Variants in ANAPC1 observed in about 807,000 individuals in gnomAD.
The protein encoded by ANAPC1 is anaphase promoting complex subunit 1, also known as anaphase-promoting complex subunit 1.
ANAPC1 carries 36 observed loss-of-function variants against 208.0 expected under a neutral mutation model. The ratio of observed to expected loss-of-function variants is 0.17; its 90% CI spans 0.13 to 0.23. The LOEUF is 0.23. Ranked by LOEUF, ANAPC1 falls within the 10% of genes least tolerant of loss-of-function variation. The pLI is 1.00. For synonymous variants in ANAPC1, 378 were observed against 695.2 expected, an observed-to-expected ratio of 0.54 and a Z score of 7.18; for missense variants, 942 against 2,011.6, an observed-to-expected ratio of 0.47 and a Z score of 10.17.
At chr2:111,799,008 T>C (rs897095546) in intron 34 of ANAPC1, among the ~76,000 whole-genome samples, 3 of 149,184 alleles carry the variant, frequency 2.0e-5, no homozygotes, top group African/African-American at 7.4e-5. Flanking sequence ...CACTCCAGCC[T>C]GGGCGACAGA....
In ANAPC1 at chr2:111,834,760, A is replaced by T; in HGVS notation, c.2228T>A (p.Phe743Tyr). The T allele has an allele frequency of 6.2e-7, 1 of 1,613,572 alleles. No homozygotes were observed. Among genetic ancestry groups the T allele is most frequent in the South Asian group, 1.1e-5 (1 of 91,032 alleles). The change falls in exon 19 of 48, where the codon TTT (phenylalanine) becomes TAT (tyrosine). Residue 743 changes from phenylalanine (F) to tyrosine (Y), a missense_variant. Phe to Tyr is a conservative substitution (Grantham distance 22). Coordinates refer to ENST00000341068, the MANE Select transcript of ANAPC1 (RefSeq NM_022662.4). The stretch of plus-strand genomic sequence containing the variant: ...AGAATCCAGACTGAGATTCTGTGAA[A>T]AATCCTCATCCTTCATCTGTGAAGC... ...SEASQMKDED[F>Y]SQNLSLDSST... is the part of the protein sequence containing the mutation.
At chr2:111,850,408 T>TGGATGTTATCTTCCCATC (rs1338574690) in intron 14 of ANAPC1, among the ~76,000 whole-genome samples, 1 of 152,238 alleles carries the variant, frequency 6.6e-6, no homozygotes, top group Non-Finnish European at 1.5e-5. Context: ...GTCCTCCCAT[T>TGGATGTTATCTTCCCATC]GGATGTTATC....
intron 46 of ANAPC1, among the ~76,000 whole-genome samples, chr2:111,775,766 G>C (rs1264977257): frequency 1.3e-5 from 2 of 151,936 alleles, no homozygotes; most frequent in Admixed American, 6.6e-5. Context: ...CAATAGCAAA[G>C]GTCTGCCATA....
At chr2:111,824,149 T>C (rs192000902) in intron 24 of ANAPC1, among the ~76,000 whole-genome samples, 3,258 of 148,804 alleles carry the variant, frequency 0.022, 107 homozygotes, top group African/African-American at 0.075. Context: ...TTATGCAATA[T>C]ACAAATGGAT....
intron 25 of ANAPC1, chr2:111,821,841 AAC>A (rs1379690060): frequency 7.6e-6 from 2 of 263,306 alleles, no homozygotes; most frequent in Non-Finnish European, 1.5e-5. Context: ...TGAAAAAAAA[AAC>A]AGACTTGATG....
chr2:111,867,491 T>A (rs1682494955), intron 7 of ANAPC1, among the ~76,000 whole-genome samples: 1 of 151,694 alleles, frequency 6.6e-6, no homozygotes, highest in Non-Finnish European at 1.5e-5. Flanking sequence ...AGGAGTTCGA[T>A]ACCAGCCTGG....
At chr2:111,806,893 A>G (rs1243658169) in intron 29 of ANAPC1, among the ~76,000 whole-genome samples, 3 of 139,322 alleles carry the variant, frequency 2.2e-5, no homozygotes, top group Non-Finnish European at 4.7e-5. Context: ...AAAAAAATGC[A>G]ATTTAAAAAA....
At chr2:111,866,869 G>A (rs1682453345) in intron 7 of ANAPC1, among the ~76,000 whole-genome samples, 1 of 150,476 alleles carries the variant, frequency 6.6e-6, no homozygotes, top group Middle Eastern at 3.5e-3. Flanking sequence ...CGGGTTGTCT[G>A]CAATTAGTAA....
At chr2:111,771,480 C>T (rs1676735164) in intron 47 of ANAPC1, among the ~76,000 whole-genome samples, 1 of 151,158 alleles carries the variant, frequency 6.6e-6, no homozygotes, top group African/African-American at 2.4e-5. Context: ...TGCAGCATTG[C>T]TGCTTTTTGC....
At position 111,858,407 on chromosome 2, in the gene ANAPC1, A is replaced by G. The variant is rs749296070; in HGVS notation, c.1263-6T>C. The G allele has an allele frequency of 6.2e-7, 1 of 1,602,086 alleles. No homozygotes were observed. Among genetic ancestry groups the G allele is most frequent in the South Asian group, 1.1e-5 (1 of 90,624 alleles). ...AGGCTTGTGAATTTTTCTCTCTATAATAGATACATTAATAAAGTAACTGTC... is the reference window on the plus strand; with the variant it reads ...AGGCTTGTGAATTTTTCTCTCTATAGTAGATACATTAATAAAGTAACTGTC... On this transcript the variant is annotated splice_polypyrimidine_tract_variant and splice_region_variant and intron_variant, in intron 10 of 47. Transcript: ENST00000341068.
chr2:111,848,352 T>C (rs1228377393), intron 14 of ANAPC1, among the ~76,000 whole-genome samples: 1 of 149,532 alleles, frequency 6.7e-6, no homozygotes, highest in African/African-American at 2.4e-5. Flanking sequence ...GCCTTGCTTT[T>C]TCTGCTCTGG....
intron 25 of ANAPC1, among the ~76,000 whole-genome samples, chr2:111,822,180 G>GA (rs1679572456): frequency 7.0e-6 from 1 of 142,144 alleles, no homozygotes; most frequent in East Asian, 2.0e-4. Flanking sequence ...GACTTGTCCT[G>GA]ATTCAAGGCA....
At chr2:111,816,349 T>C (rs1267713627) in intron 27 of ANAPC1, among the ~76,000 whole-genome samples, 6 of 150,978 alleles carry the variant, frequency 4.0e-5, no homozygotes, top group African/African-American at 7.3e-5. Context: ...CTCTCTTTTT[T>C]TCTCTCTCTC....
At chr2:111,769,732 A>G (rs1245847010) in intron 47 of ANAPC1, among the ~76,000 whole-genome samples, 1 of 124,540 alleles carries the variant, frequency 8.0e-6, no homozygotes, top group Non-Finnish European at 1.6e-5. Context: ...CCGGGGCTGG[A>G]GTGCAGTGGC....
intron 1 of ANAPC1, among the ~76,000 whole-genome samples, chr2:111,882,340 T>C (rs767440641): frequency 4.6e-5 from 7 of 152,156 alleles, no homozygotes; most frequent in Non-Finnish European, 5.9e-5. Context: ...TTGCTGCTCA[T>C]AGGGCAAGAA....
At chr2:111,870,654 T>C (rs1293571647) in intron 6 of ANAPC1, among the ~76,000 whole-genome samples, 2 of 152,216 alleles carry the variant, frequency 1.3e-5, no homozygotes, top group Non-Finnish European at 2.9e-5. Context: ...GTGAACTATC[T>C]GTCTATTCTG....
intron 35 of ANAPC1, among the ~76,000 whole-genome samples, chr2:111,794,616 C>T (rs1476121709): frequency 6.6e-6 from 1 of 152,122 alleles, no homozygotes; most frequent in East Asian, 1.9e-4. Context: ...CAAGTTAAAT[C>T]TCCAATATTG....
At chr2:111,767,250 G>A (rs1676495996), downstream of ANAPC1, among the ~76,000 whole-genome samples, 1 of 151,216 alleles carries the variant, frequency 6.6e-6, no homozygotes, top group Admixed American at 6.6e-5. Context: ...GACTACTTCG[G>A]GCCAACAGGC....
At chr2:111,826,930 A>G (rs1679869312) in intron 21 of ANAPC1, among the ~76,000 whole-genome samples, 1 of 152,142 alleles carries the variant, frequency 6.6e-6, no homozygotes, top group Admixed American at 6.6e-5. Context: ...AAGTGCTGAG[A>G]TTATGCCACC....
Sources: allele counts gnomAD v4.1 joint callset (sites outside exome capture counted in the v4.1 genomes callset), GRCh38; gene constraint gnomAD v4.1.1; transcripts MANE v1.5; gene names NCBI Gene and HGNC (gene_info 2026-07-23, HGNC 2026-07-21).